The following PTPN21 variants were observed in gnomAD, a reference collection of about 807,000 sequenced individuals.
PTPN21 encodes the protein tyrosine-protein phosphatase non-receptor type 21.
Under a neutral mutation model 131.8 loss-of-function variants are expected in PTPN21, and 77 were observed. The observed-to-expected ratio is 0.58, with a 90% CI of 0.49 to 0.71. The LOEUF (loss-of-function observed/expected upper bound fraction) is 0.71. PTPN21 is among the 30% of genes least tolerant of loss of function. The pLI is 0.00. For missense variants in PTPN21, 1,552 were observed against 1,527.1 expected (o/e 1.02, Z -0.27); for synonymous variants, 715 against 621.3 (o/e 1.15, Z -2.24).
chr14:88,507,098 A>C (rs2078103166), intron 4 of PTPN21, among the ~76,000 whole-genome samples: 1 of 152,124 alleles, frequency 6.6e-6, no homozygotes, highest in Non-Finnish European at 1.5e-5. Context: ...ATGTAAGCAA[A>C]CACCACCTGT....
chr14:88,506,004 C>T (rs1453473995), intron 4 of PTPN21, among the ~76,000 whole-genome samples: 1 of 151,980 alleles, frequency 6.6e-6, no homozygotes, highest in African/African-American at 2.4e-5. Context: ...AATTTCACTC[C>T]CAAGGCTAAA....
chr14:88,468,890 G>A (rs762162532), intron 18 of PTPN21, 26 bp downstream of exon 18: 1 of 1,613,686 alleles, frequency 6.2e-7, no homozygotes, highest in Non-Finnish European at 8.5e-7. Flanking sequence ...CACCCAAAAA[G>A]GCCAGGTGAT....
intron 2 of PTPN21, among the ~76,000 whole-genome samples, chr14:88,531,063 A>G (rs986640666): frequency 6.6e-6 from 1 of 152,234 alleles, no homozygotes; most frequent in African/African-American, 2.4e-5. Flanking sequence ...AACAAATTTT[A>G]AAAAAATCAA....
chr14:88,493,105 G>C (rs1419659392), intron 10 of PTPN21: 1 of 456,480 alleles, frequency 2.2e-6, no homozygotes, highest in Non-Finnish European at 4.4e-6. Flanking sequence ...ACTTCTGTAA[G>C]TCTCCATACC....
At chr14:88,528,605 G>A (rs1375374935) in intron 2 of PTPN21, among the ~76,000 whole-genome samples, 1 of 152,190 alleles carries the variant, frequency 6.6e-6, no homozygotes, top group East Asian at 1.9e-4. Flanking sequence ...TGAATCATGG[G>A]GGCAGCTCTT....
chr14:88,545,992 A>G (rs1423210064), intron 2 of PTPN21, among the ~76,000 whole-genome samples: 1 of 144,134 alleles, frequency 6.9e-6, no homozygotes, highest in Non-Finnish European at 1.5e-5. Context: ...ACTCTGTCTC[A>G]AATAAAAAAA....
intron 10 of PTPN21, chr14:88,492,777 G>A (rs1393332623): frequency 5.3e-6 from 1 of 190,474 alleles, no homozygotes; most frequent in Non-Finnish European, 1.1e-5. Context: ...ATAAAAGGAA[G>A]AGACAAAGGA....
intron 13 of PTPN21, among the ~76,000 whole-genome samples, chr14:88,476,056 C>G (rs2077543247): frequency 6.6e-6 from 1 of 152,202 alleles, no homozygotes; most frequent in Non-Finnish European, 1.5e-5. Flanking sequence ...TATGAGCACC[C>G]AAACCAGTCT....
At chr14:88,477,447 A>T (rs10151649) in intron 13 of PTPN21, among the ~76,000 whole-genome samples, 3 of 6,842 alleles carry the variant, frequency 4.4e-4, no homozygotes, top group African/African-American at 7.9e-4. Flanking sequence ...AGACTGTTCT[A>T]AAAAAAAAAA....
At chr14:88,518,386 G>GTA (rs71126987) in intron 2 of PTPN21, among the ~76,000 whole-genome samples, 256 of 9,684 alleles carry the variant, frequency 0.026, 12 homozygotes, top group East Asian at 0.061. Flanking sequence ...GTGTGTGTGT[G>GTA]TATATATATA....
intron 10 of PTPN21, 37 bp from the exon 11 acceptor site, chr14:88,485,879 C>T: frequency 7.8e-7 from 1 of 1,282,986 alleles, no homozygotes; most frequent in Non-Finnish European, 1.1e-6. Context: ...AGCACATACA[C>T]ACTCTCTCTT....
rs199988571 is a variant in PTPN21 at position 88,500,838 on chromosome 14, A to T, written c.709T>A (p.Cys237Ser). The change falls in exon 8 of 19, where the codon TGT (cysteine) becomes AGT (serine). Residue 237 changes from cysteine (C) to serine (S), a missense_variant. Transcript: ENST00000556564. ...TGTTTCACAAAGATACCTTCAAGAC[A>T]CGCTCCAATGGATATGTCACTTCCT... ...SQGSDISIGA[C>S]LEGIFVKHKN... 5.0e-6 allele frequency: 8 copies of T among 1,613,824 alleles called. No homozygotes were observed. The highest frequency in any genetic ancestry group is 5.9e-6 in the Non-Finnish European group (7 of 1,179,832).
At chr14:88,533,971 G>A (rs2139343906) in intron 2 of PTPN21, among the ~76,000 whole-genome samples, 1 of 152,302 alleles carries the variant, frequency 6.6e-6, no homozygotes, top group South Asian at 2.1e-4. Flanking sequence ...TACCGCCCCT[G>A]AAAACTGTCC....
intron 6 of PTPN21, among the ~76,000 whole-genome samples, chr14:88,502,298 C>T (rs889085739): frequency 9.2e-5 from 14 of 152,164 alleles, no homozygotes. Context: ...ATGAGAATCC[C>T]TCTTCTTGGT....
chr14:88,490,767 C>T (rs1446161506), intron 10 of PTPN21, among the ~76,000 whole-genome samples: 1 of 152,216 alleles, frequency 6.6e-6, no homozygotes, highest in African/African-American at 2.4e-5. Context: ...TCACTGCGCT[C>T]AGCGAGTGGC....
chr14:88,501,458 CA>C, intron 6 of PTPN21, 90 bp from the exon 7 acceptor site: 1 of 1,082,626 alleles, frequency 9.2e-7, no homozygotes, highest in South Asian at 1.3e-5. Flanking sequence ...GTCAATTTAG[CA>C]TAAGACATTA....
intron 9 of PTPN21, among the ~76,000 whole-genome samples, chr14:88,496,933 C>T (rs527531339): frequency 6.6e-6 from 1 of 152,234 alleles, no homozygotes; most frequent in East Asian, 1.9e-4. Context: ...CTTACTTTCT[C>T]CCCCACATAA....
In PTPN21 at chr14:88,504,418, G is replaced by A. The variant is rs1348847327; in HGVS notation, c.587+7C>T. 8.3e-6 allele frequency: 13 copies of A among 1,575,638 alleles called. No individual in the cohort carries two copies. The highest frequency in any genetic ancestry group is 1.1e-5 in the Non-Finnish European group (13 of 1,145,428). On this transcript the variant is annotated splice_region_variant and intron_variant, in intron 6 of 18. Coordinates refer to ENST00000556564, the MANE Select transcript of PTPN21 (RefSeq NM_007039.4). Reference sequence around the variant, plus strand: ...TGCTATTTCCATGTCTTATTTCTTAGAGTTACCTGTATTTCTGATGTAGTA... The same window carrying A: ...TGCTATTTCCATGTCTTATTTCTTAAAGTTACCTGTATTTCTGATGTAGTA...
chr14:88,550,692 A>AAGC, intron 1 of PTPN21, 73 bp from the exon 2 acceptor site: 1 of 317,036 alleles, frequency 3.2e-6, no homozygotes, highest in Non-Finnish European at 5.8e-6. Flanking sequence ...AAAGCCAGTC[A>AAGC]AGCTGTGGCC....
Sources: allele counts gnomAD v4.1 joint callset (sites outside exome capture counted in the v4.1 genomes callset), GRCh38; gene constraint gnomAD v4.1.1; transcripts MANE v1.5; gene names NCBI Gene and HGNC (gene_info 2026-07-23, HGNC 2026-07-21).